Variants in MSI1 observed in about 807,000 individuals in gnomAD.
The protein encoded by MSI1 is musashi RNA binding protein 1.
A neutral mutation model predicts 54.4 loss-of-function variants in MSI1; 15 were observed. The observed-to-expected ratio is 0.28, with a 90% CI of 0.18 to 0.42. The LOEUF (loss-of-function observed/expected upper bound fraction) is 0.42, where lower values mean the gene tolerates loss of function less well. Ranked by LOEUF, MSI1 falls within the 20% of genes least tolerant of loss-of-function variation. The pLI is 1.00. For missense variants in MSI1, 304 were observed against 506.0 expected (o/e 0.60, Z 3.83); for synonymous variants, 200 against 196.5 (o/e 1.02, Z -0.15).
chr12:120,363,017 A>C, intron 6 of MSI1, 26 bp downstream of exon 6: 1 of 1,592,202 alleles, frequency 6.3e-7, no homozygotes, highest in Non-Finnish European at 8.6e-7. Context: ...CAGCCCCAGC[A>C]GCAAGCGCCC....
At chr12:120,366,932 A>G (rs376041249) in intron 4 of MSI1, among the ~76,000 whole-genome samples, 1 of 152,302 alleles carries the variant, frequency 6.6e-6, no homozygotes, top group South Asian at 2.1e-4. Context: ...GCTTGATGGC[A>G]GATAATCACC....
chr12:120,351,899 G>A (rs778103252), intron 10 of MSI1, among the ~76,000 whole-genome samples: 25 of 151,210 alleles, frequency 1.7e-4, no homozygotes, highest in Non-Finnish European at 3.4e-4. Flanking sequence ...TAGTAGAGAC[G>A]GGGTTTCACT....
intron 14 of MSI1, among the ~76,000 whole-genome samples, chr12:120,344,099 G>T (rs1271048784): frequency 6.6e-6 from 1 of 152,134 alleles, no homozygotes; most frequent in South Asian, 2.1e-4. Context: ...CAGGTGATCC[G>T]CCTGCCTTGG....
intron 14 of MSI1, among the ~76,000 whole-genome samples, chr12:120,344,969 T>C (rs1232763548): frequency 1.3e-5 from 2 of 151,928 alleles, no homozygotes; most frequent in South Asian, 2.1e-4. Flanking sequence ...GAGCCAAGAT[T>C]GCGCCACTGC....
chr12:120,358,907 T>G, intron 7 of MSI1, 98 bp downstream of exon 7: 1 of 1,336,404 alleles, frequency 7.5e-7, no homozygotes, highest in Non-Finnish European at 1.0e-6. Context: ...TCCTGGGGGA[T>G]AGGATGTCAG....
At chr12:120,346,051 C>T in intron 13 of MSI1, 84 bp downstream of exon 13, 1 of 1,249,122 alleles carries the variant, frequency 8.0e-7, no homozygotes, top group Non-Finnish European at 1.1e-6. Context: ...CCCCCAGAGA[C>T]AAAGAAGTTC....
At chr12:120,353,592 C>T (rs1258125239) in intron 9 of MSI1, among the ~76,000 whole-genome samples, 10 of 152,204 alleles carry the variant, frequency 6.6e-5, no homozygotes, top group Admixed American at 6.5e-4. Context: ...CTGTTAGGCA[C>T]CCCATTTTAC....
chr12:120,351,199 CCAGGCACAGTCTGCTGTGTCCCCA>C (rs1874565112), intron 11 of MSI1, 121 bp downstream of exon 11: 1 of 828,226 alleles, frequency 1.2e-6, no homozygotes, highest in Non-Finnish European at 2.0e-6. Context: ...TGGCCAGTGC[CCAGGCACAGTCTGCTGTGTCCCCA>C]CAGCCGGAGG....
intron 13 of MSI1, among the ~76,000 whole-genome samples, 162 bp from the exon 14 acceptor site, chr12:120,345,794 C>T (rs1254890152): frequency 6.6e-6 from 1 of 152,022 alleles, no homozygotes; most frequent in Non-Finnish European, 1.5e-5. Context: ...CCCCCCACTG[C>T]AGGTCTGCTC....
chr12:120,347,454 C>T lies in MSI1; in HGVS notation c.851G>A (p.Arg284Gln). The T allele has an allele frequency of 1.2e-6, 2 of 1,614,088 alleles. No individual in the cohort carries two copies. The highest frequency in any genetic ancestry group is 1.1e-5 in the South Asian group (1 of 91,088). ...ACCTCAGAAGAGCTCACCTGTCCCT[C>T]GAACCACAGCCGCTGCCGCCGCTGC... ...AAAAAAAAVV[R>Q]GTGSHPWTMA... Residue 284 changes from arginine to glutamine, a missense_variant, in exon 12 of 15, where the codon CGA (arginine) becomes CAA (glutamine). Physicochemically the swap from Arg to Gln is conservative, Grantham distance 43. Around this residue, in one of 4 missense-constraint regions of MSI1, gnomAD observed 147 missense variants for 231.5 expected, o/e 0.64. Coordinates refer to ENST00000257552, the MANE Select transcript of MSI1 (RefSeq NM_002442.4).
chr12:120,362,914 C>A, intron 6 of MSI1, 129 bp downstream of exon 6: 2 of 799,626 alleles, frequency 2.5e-6, no homozygotes, highest in Non-Finnish European at 4.2e-6. Context: ...GGTCTGCCCC[C>A]ACAGCAGGAT....
In MSI1 at chr12:120,368,801, C is replaced by A. The variant is rs775789777; in HGVS notation, c.100+32G>T. 4.2e-6 allele frequency: 6 copies of A among 1,422,650 alleles called. No homozygotes were observed. The African/African-American group carries it at 4.5e-5, about 11-fold the overall frequency. 88.1% of individuals were successfully genotyped at this position (1,422,650 alleles called of 1,614,324 possible). On this transcript the variant is annotated intron_variant, in intron 2 of 14. Coordinates refer to ENST00000257552, the MANE Select transcript of MSI1 (RefSeq NM_002442.4). This position sits in a 1 kb window ranked among gnomAD's most constrained non-coding sequence, Gnocchi z 6.6. Reference sequence around the variant, plus strand: ...GCGCCGGGGGGTCCGGGGTGCCCTGCCGGACCGGCGGGCGCTCCCGGGCTC... The same window carrying A: ...GCGCCGGGGGGTCCGGGGTGCCCTGACGGACCGGCGGGCGCTCCCGGGCTC...
At chr12:120,355,936 T>TACGG (rs1875079141) in intron 9 of MSI1, among the ~76,000 whole-genome samples, 1 of 152,032 alleles carries the variant, frequency 6.6e-6, no homozygotes, top group Admixed American at 6.6e-5. Context: ...GACCCCCTTG[T>TACGG]ACTGTTCTCT....
intron 13 of MSI1, among the ~76,000 whole-genome samples, 153 bp downstream of exon 13, chr12:120,345,982 A>AC (rs1391716879): frequency 6.6e-6 from 1 of 151,972 alleles, no homozygotes; most frequent in Non-Finnish European, 1.5e-5. Flanking sequence ...ATGAATGATA[A>AC]CCCCCACAAC....
rs1332877061 is a variant in MSI1, at chr12:120,349,639, G to A, written c.790+1705C>T. Among the ~76,000 whole-genome samples the A allele has an allele frequency of 7.9e-5, 12 of 152,222 alleles. No homozygotes were observed. In the East Asian group the frequency reaches 2.3e-3, roughly 29 times the overall value. On this transcript the variant is annotated intron_variant, in intron 11 of 14. Transcript: ENST00000257552. The stretch of plus-strand genomic sequence containing the variant: ...TTGTGGCCCCAGTGCCTGGAGTGGT[G>A]TCTGGTACAATGAATATTTATCGAA...
chr12:120,368,820 C>T lies in MSI1; in HGVS notation c.100+13G>A, dbSNP rs764293778. ...GCCCTGCCGGACCGGCGGGCGCTCC[C>T]GGGCTCGCTCACCCTGCGTAGTCTG... On this transcript the variant is annotated intron_variant, in intron 2 of 14. Coordinates refer to ENST00000257552, the MANE Select transcript of MSI1 (RefSeq NM_002442.4). The surrounding 1 kb of genome is among the most constrained non-coding windows in gnomAD (Gnocchi z 6.6). 2.5e-5 allele frequency: 35 copies of T among 1,418,086 alleles called. No homozygotes were observed. The East Asian group carries it at 8.9e-4, about 36-fold the overall frequency. The allele number at this position is 1,418,086 out of a possible 1,614,324, so 87.8% of individuals were successfully genotyped here.
chr12:120,346,129 A>G lies in MSI1; in HGVS notation c.1047+6T>C. On this transcript the variant is annotated splice_donor_region_variant and intron_variant, in intron 13 of 14. Coordinates refer to ENST00000257552, the MANE Select transcript of MSI1 (RefSeq NM_002442.4). The stretch of plus-strand genomic sequence containing the variant: ...GAGGTGGGGGCCGCTAGGCCTGGCC[A>G]CTCACCCCAAGACTGTGGCCGAAGC... 1 of 1,545,310 alleles carries G rather than the reference A, an allele frequency of 6.5e-7. No individual in the cohort carries two copies. The highest frequency in any genetic ancestry group is 8.7e-7 in the Non-Finnish European group (1 of 1,147,478).
intron 9 of MSI1, 119 bp downstream of exon 9, chr12:120,356,783 C>T: frequency 1.1e-6 from 1 of 902,144 alleles, no homozygotes; most frequent in Non-Finnish European, 1.8e-6. Flanking sequence ...CCCACTCCTG[C>T]TCAATGACTC....
At position 120,361,731 on chromosome 12, in the gene MSI1, C is replaced by G. The variant is rs921961054; in HGVS notation, c.402+1312G>C. Among the ~76,000 whole-genome samples, 6 of 151,098 alleles carry G rather than the reference C, an allele frequency of 4.0e-5. No homozygotes were observed. The South Asian group carries it at 8.3e-4, about 21-fold the overall frequency. The stretch of plus-strand genomic sequence containing the variant: ...GCGGCCCCTCGATCCGGGCGGGGGG[C>G]CCCCCGCCGCGGGGCCCTTGGCATT... On this transcript the variant is annotated intron_variant, in intron 6 of 14. Coordinates refer to ENST00000257552, the MANE Select transcript of MSI1 (RefSeq NM_002442.4).
Sources: allele counts gnomAD v4.1 joint callset (sites outside exome capture counted in the v4.1 genomes callset), GRCh38; gene constraint gnomAD v4.1.1; regional missense constraint gnomAD v4.1.1; non-coding constraint Gnocchi (gnomAD v3.1); transcripts MANE v1.5; gene names NCBI Gene and HGNC (gene_info 2026-07-23, HGNC 2026-07-21).